Variants in NDUFA1 observed in about 807,000 individuals in gnomAD.
NDUFA1 encodes NADH dehydrogenase [ubiquinone] 1 alpha subcomplex subunit 1.
For synonymous variants in NDUFA1, 21 were observed against 20.0 expected (o/e 1.05, Z -0.14); for missense variants, 42 against 56.0 (o/e 0.75, Z 0.80).
intron 1 of NDUFA1, among the ~76,000 whole-genome samples, chrX:119,872,230 G>A (rs890639445): frequency 9.8e-5 from 11 of 112,214 alleles, no homozygotes; most frequent in Admixed American, 9.4e-4. Flanking sequence ...GTGGGCCTTA[G>A]GGCAGAGTAG....
At chrX:119,876,178 C>G (rs926429637) in intron 2 of NDUFA1, among the ~76,000 whole-genome samples, 13 of 99,007 alleles carry the variant, frequency 1.3e-4, no homozygotes, top group African/African-American at 4.5e-4. Flanking sequence ...GCACTCCAGC[C>G]TGCATGACGG....
At chrX:119,872,450 T>C (rs2056417640) in intron 1 of NDUFA1, among the ~76,000 whole-genome samples, 1 of 108,884 alleles carries the variant, frequency 9.2e-6, no homozygotes, top group African/African-American at 3.3e-5. Flanking sequence ...AAACCCCGTC[T>C]CTCCTAAAAA....
chrX:119,872,477 C>A (rs907162638), intron 1 of NDUFA1, among the ~76,000 whole-genome samples: 1 of 109,295 alleles, frequency 9.1e-6, no homozygotes, highest in Non-Finnish European at 1.9e-5. Flanking sequence ...ATTAGCTGGG[C>A]GTGGTGGCGC....
intron 1 of NDUFA1, 99 bp from the exon 2 acceptor site, chrX:119,873,205 A>G: frequency 1.5e-6 from 1 of 649,669 alleles, no homozygotes; most frequent in Non-Finnish European, 2.6e-6. Flanking sequence ...TTAAACGATG[A>G]TTCCATTTCT....
At chrX:119,875,933 A>G (rs2056435371) in intron 2 of NDUFA1, among the ~76,000 whole-genome samples, 2 of 110,978 alleles carry the variant, frequency 1.8e-5, no homozygotes, top group South Asian at 7.6e-4. Context: ...GGCCAGGCAT[A>G]GTGGCTCACA....
At chrX:119,873,420 T>C (rs2056424157) in intron 2 of NDUFA1, 27 bp downstream of exon 2, 2 of 1,156,216 alleles carry the variant, frequency 1.7e-6, no homozygotes, top group South Asian at 3.6e-5. Flanking sequence ...ATGCCAGCCT[T>C]TTGCCAGGGT....
intron 1 of NDUFA1, 89 bp downstream of exon 1, chrX:119,872,102 T>C: frequency 2.1e-6 from 2 of 934,777 alleles, no homozygotes; most frequent in Non-Finnish European, 3.1e-6. Flanking sequence ...GCGAACCCTC[T>C]CTCCGAGGTC....
chrX:119,874,952 A>G (rs2056430805), intron 2 of NDUFA1, among the ~76,000 whole-genome samples: 1 of 112,002 alleles, frequency 8.9e-6, no homozygotes, highest in South Asian at 3.7e-4. Flanking sequence ...CTCCTTCCTC[A>G]TTTATTCCTC....
At position 119,875,472 on chromosome X, in the gene NDUFA1, G is replaced by A. The variant is rs755586888; in HGVS notation, c.193-1042G>A. On this transcript the variant is annotated intron_variant, in intron 2 of 2. Transcript: ENST00000371437. ...CACGAGTAGCTGGGATTACAGGTGC[G>A]CTGTAATTTTTGTACTTTTAGTAGA... Among the ~76,000 whole-genome samples the A allele has an allele frequency of 4.6e-5, 5 of 108,748 alleles. No individual in the cohort carries two copies. In the South Asian group the frequency reaches 1.6e-3, roughly 35 times the overall value. 94.4% of individuals were successfully genotyped at this position (108,748 alleles called of 115,157 possible). A position where few individuals can be genotyped will look rare whatever the true frequency, so the allele number is the denominator to read the frequency against.
chrX:119,875,317 CTTTTTTT>C (rs61235666), intron 2 of NDUFA1, among the ~76,000 whole-genome samples: 15 of 59,636 alleles, frequency 2.5e-4, no homozygotes, highest in African/African-American at 8.1e-4. Context: ...ACTGATGAGT[CTTTTTTT>C]TTTTTTTTTT....
chrX:119,873,060 TA>T lies in NDUFA1; in HGVS notation c.103-235del, dbSNP rs57808963. ...CTAGATATTTCTTTTTTTTTTTTTTTAAAAAAAAAGGAAAAAAAATTCATGT... is the reference window on the plus strand; with the variant it reads ...CTAGATATTTCTTTTTTTTTTTTTTTAAAAAAAAGGAAAAAAAATTCATGT... On this transcript the variant is annotated intron_variant, in intron 1 of 2. Transcript: ENST00000371437. Among the ~76,000 whole-genome samples the T allele has an allele frequency of 0.011, 1,086 of 100,571 alleles. 6 individuals are homozygous for T. Among genetic ancestry groups the T allele is most frequent in the Middle Eastern group, 0.059 (12 of 202 alleles). The allele number at this position is 100,571 out of a possible 115,157, so 87.3% of individuals were successfully genotyped here.
rs1422799635 is a variant in NDUFA1 at position 119,873,360 on chromosome X, C to T, written c.159C>T (p.Arg53=). The T allele has an allele frequency of 8.3e-7, 1 of 1,210,355 alleles. No individual in the cohort carries two copies. Among genetic ancestry groups the T allele is most frequent in the Non-Finnish European group, 1.1e-6 (1 of 894,711 alleles). The change falls in exon 2 of 3, where the codon CGC becomes CGT. Residue 53 remains arginine, a synonymous_variant. Coordinates refer to ENST00000371437, the MANE Select transcript of NDUFA1 (RefSeq NM_004541.4). The stretch of plus-strand genomic sequence containing the variant: ...GGAGTCTGATGGAAAGAGATAGGCG[C>T]ATCTCTGGAGTTGATCGTTACTATG... ...YHWSLMERDR[R]ISGVDRYYVS...
Position 119,873,060 on chromosome X carries a change from T to TA in NDUFA1, c.103-235dup, listed in dbSNP as rs57808963. Among the ~76,000 whole-genome samples, 7,483 of 100,489 alleles carry TA rather than the reference T, an allele frequency of 0.074. 328 individuals are homozygous for TA. The highest frequency in any genetic ancestry group is 0.13 in the African/African-American group (3,572 of 26,930). The allele number at this position is 100,489 out of a possible 115,157, so 87.3% of individuals were successfully genotyped here. A position where few individuals can be genotyped will look rare whatever the true frequency, so the allele number is the denominator to read the frequency against. On this transcript the variant is annotated intron_variant, in intron 1 of 2. Coordinates refer to ENST00000371437, the MANE Select transcript of NDUFA1 (RefSeq NM_004541.4). ...CTAGATATTTCTTTTTTTTTTTTTT[T>TA]AAAAAAAAAGGAAAAAAAATTCATG...
In NDUFA1 at chrX:119,873,381, C is replaced by T. The variant is rs1347622806; in HGVS notation, c.180C>T (p.Tyr60=). 3.3e-6 allele frequency: 4 copies of T among 1,209,843 alleles called. No individual in the cohort carries two copies. The highest frequency in any genetic ancestry group is 4.5e-6 in the Non-Finnish European group (4 of 894,067). The change falls in exon 2 of 3, where the codon TAC becomes TAT. Residue 60 remains tyrosine (Y), a synonymous_variant. Coordinates refer to ENST00000371437, the MANE Select transcript of NDUFA1 (RefSeq NM_004541.4). ...GGCGCATCTCTGGAGTTGATCGTTA[C>T]TATGTGTCAAAGGTAAGATGCCACT... ...RDRRISGVDR[Y]YVSKGLENID is the part of the protein sequence containing the mutation.
chrX:119,871,976 C>T lies in NDUFA1; in HGVS notation c.65C>T (p.Ala22Val). Residue 22 changes from alanine to valine, a missense_variant, in exon 1 of 3, where the codon GCT becomes GTT. Transcript: ENST00000371437. ...MGVCLLIPGL[A>V]TAYIHRFTNG... Reference sequence around the variant, plus strand: ...GTGTGCTTGTTGATTCCAGGACTGGCTACTGCGTACATCCACAGGTTCACT... The same window carrying T: ...GTGTGCTTGTTGATTCCAGGACTGGTTACTGCGTACATCCACAGGTTCACT... 8.2e-7 allele frequency: 1 copy of T among 1,212,428 alleles called. No individual in the cohort carries two copies. Among genetic ancestry groups the T allele is most frequent in the East Asian group, 3.0e-5 (1 of 33,855 alleles).
Position 119,876,625 on chromosome X carries a change from G to A in NDUFA1, c.*91G>A. On this transcript the variant is annotated 3_prime_UTR_variant, in exon 3 of 3. Transcript: ENST00000371437. ...TACAGTGTATTATGTAGCATGCAATGTGTTATGTAGTGCTTAATAAAAATA... is the reference window on the plus strand; with the variant it reads ...TACAGTGTATTATGTAGCATGCAATATGTTATGTAGTGCTTAATAAAAATA... 1 of 762,976 alleles carries A rather than the reference G, an allele frequency of 1.3e-6. No individual in the cohort carries two copies. The highest frequency in any genetic ancestry group is 2.0e-6 in the Non-Finnish European group (1 of 503,691). 62.9% of individuals were successfully genotyped at this position (762,976 alleles called of 1,213,427 possible).
At chrX:119,873,182 T>G in intron 1 of NDUFA1, 122 bp from the exon 2 acceptor site, 1 of 555,853 alleles carries the variant, frequency 1.8e-6, no homozygotes. Context: ...GTACTACTAA[T>G]TTGCATTTTT....
At chrX:119,873,272 A>G in intron 1 of NDUFA1, 32 bp from the exon 2 acceptor site, 1 of 1,131,019 alleles carries the variant, frequency 8.8e-7, no homozygotes, top group Non-Finnish European at 1.2e-6. Flanking sequence ...TCACTTTTAT[A>G]AACTGCAACA....
intron 2 of NDUFA1, among the ~76,000 whole-genome samples, chrX:119,875,364 G>A (rs994350299): frequency 4.7e-5 from 4 of 85,502 alleles, no homozygotes; most frequent in Admixed American, 1.6e-4. Context: ...TTGCTCTGTC[G>A]CCTAGGCCGG....
Sources: allele counts gnomAD v4.1 joint callset (sites outside exome capture counted in the v4.1 genomes callset), GRCh38; gene constraint gnomAD v4.1.1; transcripts MANE v1.5; gene names NCBI Gene and HGNC (gene_info 2026-07-23, HGNC 2026-07-21).